The following OVOL3 variants were observed in gnomAD, a reference collection of about 807,000 sequenced individuals.
OVOL3 encodes the protein ovo like zinc finger 3.
A neutral mutation model predicts 13.6 loss-of-function variants in OVOL3; 15 were observed. The ratio of observed to expected loss-of-function variants is 1.11; its 90% CI spans 0.74 to 1.70. OVOL3 has a LOEUF of 1.70. Ranked by LOEUF, OVOL3 falls within the 40% of genes most tolerant of loss-of-function variation. OVOL3 has a pLI of 0.00. For synonymous variants in OVOL3, 102 were observed against 108.5 expected (o/e 0.94, Z 0.37); for missense variants, 290 against 280.6 (o/e 1.03, Z -0.24).
intron 3 of OVOL3, 113 bp downstream of exon 3, chr19:36,113,077 A>C: frequency 3.4e-6 from 4 of 1,180,378 alleles, no homozygotes; most frequent in Non-Finnish European, 4.7e-6. Context: ...TGGGGTATGG[A>C]GAATCAAGAC....
Position 36,113,615 on chromosome 19 carries a change from G to A in OVOL3, c.527G>A (p.Arg176Gln), listed in dbSNP as rs1973881250. 3 of 1,543,512 alleles carry A rather than the reference G, an allele frequency of 1.9e-6. No individual in the cohort carries two copies. The highest frequency in any genetic ancestry group is 2.4e-5 in the South Asian group (2 of 84,064). The change falls in exon 4 of 4, where the codon CGG becomes CAG. Residue 176 changes from arginine (R) to glutamine (Q), a missense_variant. Arg to Gln is a conservative substitution (Grantham distance 43). Transcript: ENST00000633214. ...VCEDCGFTSSRPDTYAQHRAL... is the reference protein window; with the variant it reads ...VCEDCGFTSSQPDTYAQHRAL... ...GAGGACTGCGGCTTCACCAGCTCCC[G>A]GCCCGACACCTACGCACAGCACCGC... is the stretch of plus-strand genomic sequence containing the variant.
chr19:36,111,150 G>C lies in OVOL3; in HGVS notation c.-53G>C. 7.0e-7 allele frequency: 1 copy of C among 1,423,910 alleles called. No homozygotes were observed. The highest frequency in any genetic ancestry group is 9.5e-7 in the Non-Finnish European group (1 of 1,057,902). The allele number at this position is 1,423,910 out of a possible 1,614,324, so 88.2% of individuals were successfully genotyped here. A position where few individuals can be genotyped will look rare whatever the true frequency, so the allele number is the denominator to read the frequency against. ...CCAGGGATAGTCATCCTGGGGCTGA[G>C]GTCTGACAGCAGGTGGAAGCAGCCC... On this transcript the variant is annotated 5_prime_UTR_variant, in exon 1 of 4. Transcript: ENST00000633214.
At position 36,113,708 on chromosome 19, in the gene OVOL3, C is replaced by T. The variant is rs541679670; in HGVS notation, c.*47C>T. On this transcript the variant is annotated 3_prime_UTR_variant, in exon 4 of 4. Coordinates refer to ENST00000633214, the MANE Select transcript of OVOL3 (RefSeq NM_001302757.2). ...CCACGAGGCAAATAAACACAGAAAA[C>T]TCACGCATGGAATCTGGTGTTTATT... 25 of 1,594,920 alleles carry T rather than the reference C, an allele frequency of 1.6e-5. No homozygotes were observed. In the East Asian group the frequency reaches 3.2e-4, roughly 20 times the overall value.
Position 36,113,535 on chromosome 19 carries a change from T to C in OVOL3, c.447T>C (p.His149=). ...CSLEAHLAKV[H]GQPASYAYRE... ...TGGAAGCTCACCTTGCTAAGGTGCA[T>C]GGACAGCCGGCCAGCTACGCTTACC... Residue 149 remains histidine, a synonymous_variant, in exon 4 of 4, where the codon CAT becomes CAC. Coordinates refer to ENST00000633214, the MANE Select transcript of OVOL3 (RefSeq NM_001302757.2). 1.3e-6 allele frequency: 2 copies of C among 1,536,292 alleles called. No individual in the cohort carries two copies. The highest frequency in any genetic ancestry group is 1.7e-6 in the Non-Finnish European group (2 of 1,146,900).
At position 36,113,438 on chromosome 19, in the gene OVOL3, C is replaced by G; in HGVS notation, c.365-15C>G. On this transcript the variant is annotated splice_polypyrimidine_tract_variant and intron_variant, in intron 3 of 3. Coordinates refer to ENST00000633214, the MANE Select transcript of OVOL3 (RefSeq NM_001302757.2). ...CCTCTCTGTCCAGCCCTCCCCTCTG[C>G]GCCCATCTGTGCAGGGATCCGGCCC... The G allele has an allele frequency of 6.5e-7, 1 of 1,528,796 alleles. No individual in the cohort carries two copies. Among genetic ancestry groups the G allele is most frequent in the East Asian group, 2.5e-5 (1 of 40,674 alleles). 94.7% of individuals were successfully genotyped at this position (1,528,796 alleles called of 1,614,324 possible).
chr19:36,112,262 G>A (rs1306609381), intron 2 of OVOL3, among the ~76,000 whole-genome samples: 1 of 152,132 alleles, frequency 6.6e-6, no homozygotes, highest in Non-Finnish European at 1.5e-5. Context: ...GCTCATGCCT[G>A]TAATCCCAGC....
chr19:36,111,800 G>A (rs549022319), intron 2 of OVOL3: 25 of 485,356 alleles, frequency 5.2e-5, no homozygotes, highest in Admixed American at 2.5e-4. Flanking sequence ...AGCGCCAGCC[G>A]GAATGTAATA....
At chr19:36,111,967 G>T (rs1973831361) in intron 2 of OVOL3, among the ~76,000 whole-genome samples, 1 of 151,938 alleles carries the variant, frequency 6.6e-6, no homozygotes, top group Admixed American at 6.6e-5. Flanking sequence ...TTGGGAGGCC[G>T]AGGCGGGTGA....
intron 3 of OVOL3, 59 bp downstream of exon 3, chr19:36,113,023 T>TG: frequency 6.8e-7 from 1 of 1,470,860 alleles, no homozygotes; most frequent in South Asian, 1.2e-5. Flanking sequence ...TGGAAGGAAA[T>TG]GGAGAGAGGT....
At chr19:36,113,304 T>C (rs1973869733) in intron 3 of OVOL3, 149 bp from the exon 4 acceptor site, 5 of 815,228 alleles carry the variant, frequency 6.1e-6, no homozygotes, top group Admixed American at 2.4e-5. Flanking sequence ...TGGGTGACGG[T>C]AGCAGATGGT....
chr19:36,112,069 C>A (rs1352167822), intron 2 of OVOL3, among the ~76,000 whole-genome samples: 2 of 151,882 alleles, frequency 1.3e-5, no homozygotes, highest in Admixed American at 1.3e-4. Flanking sequence ...GACATGGTGG[C>A]ACGTGCCTGT....
rs149152398 is a variant in OVOL3, at chr19:36,111,175, CCT to C, written c.-27_-26del. 4.8e-4 allele frequency: 731 copies of C among 1,512,078 alleles called. 1 individual carries two copies. Among genetic ancestry groups the C allele is most frequent in the African/African-American group, 1.9e-3 (139 of 72,624 alleles). The allele number at this position is 1,512,078 out of a possible 1,614,324, so 93.7% of individuals were successfully genotyped here. On this transcript the variant is annotated 5_prime_UTR_variant, in exon 1 of 4. Transcript: ENST00000633214. ...GGTCTGACAGCAGGTGGAAGCAGCC[CCT>C]GTGTGTGGAGAGCCTTCCGGAGGGC...
intron 2 of OVOL3, among the ~76,000 whole-genome samples, chr19:36,112,085 C>CGGA (rs1359684126): frequency 6.6e-6 from 1 of 151,974 alleles, no homozygotes; most frequent in Non-Finnish European, 1.5e-5. Flanking sequence ...CCTGTAATCC[C>CGGA]AGCTCCTCAG....
chr19:36,111,209 C>G lies in OVOL3; in HGVS notation c.7C>G (p.Arg3Gly). The change falls in exon 1 of 4, where the codon CGC (arginine) becomes GGC (glycine). Residue 3 changes from arginine (R) to glycine (G), a missense_variant. Physicochemically the swap from Arg to Gly is moderately radical, Grantham distance 125. Coordinates refer to ENST00000633214, the MANE Select transcript of OVOL3 (RefSeq NM_001302757.2). MPRAFLVRSRRPQ... is the reference protein window; with the variant it reads MPGAFLVRSRRPQ... Reference sequence around the variant, plus strand: ...GGAGAGCCTTCCGGAGGGCATGCCCCGCGCCTTCCTGGTCAGGAGTCGGCG... The same window carrying G: ...GGAGAGCCTTCCGGAGGGCATGCCCGGCGCCTTCCTGGTCAGGAGTCGGCG... The G allele has an allele frequency of 6.5e-7, 1 of 1,533,888 alleles. No individual in the cohort carries two copies. The highest frequency in any genetic ancestry group is 8.7e-7 in the Non-Finnish European group (1 of 1,146,056).
chr19:36,112,817 C>A lies in OVOL3; in HGVS notation c.217C>A (p.Pro73Thr). Residue 73 changes from proline to threonine, a missense_variant, in exon 3 of 4, where the codon CCG becomes ACG. Transcript: ENST00000633214. The part of the protein sequence containing the change: ...APRGPGTLGC[P>T]LCPKAFPLQR... The stretch of plus-strand genomic sequence containing the variant: ...CAGGGGCCCTGGGACGCTGGGCTGC[C>A]CGCTCTGCCCTAAGGCCTTCCCTCT... 6.5e-7 allele frequency: 1 copy of A among 1,535,538 alleles called. No individual in the cohort carries two copies. Among genetic ancestry groups the A allele is most frequent in the Non-Finnish European group, 8.7e-7 (1 of 1,146,826 alleles).
chr19:36,112,648 C>T, intron 2 of OVOL3, 112 bp from the exon 3 acceptor site: 1 of 958,190 alleles, frequency 1.0e-6, no homozygotes, highest in Non-Finnish European at 1.5e-6. Context: ...CTCCCACCTG[C>T]CTTCCTAATC....
At chr19:36,111,777 T>G in intron 2 of OVOL3, 1 of 511,238 alleles carries the variant, frequency 2.0e-6, no homozygotes, top group Non-Finnish European at 3.8e-6. Context: ...TGTGCATGCA[T>G]TGGAGGAAGG....
At chr19:36,112,739 A>AT in intron 2 of OVOL3, 21 bp from the exon 3 acceptor site, 1 of 1,525,010 alleles carries the variant, frequency 6.6e-7, no homozygotes, top group Non-Finnish European at 8.8e-7. Flanking sequence ...AGAGAGGCTA[A>AT]TAACTCCTGC....
At chr19:36,111,743 A>C (rs1013184541) in intron 2 of OVOL3, 5 of 557,178 alleles carry the variant, frequency 9.0e-6, no homozygotes, top group Admixed American at 6.6e-5. Flanking sequence ...CAGGAGTGCG[A>C]TGGGAGATAA....
Sources: gnomAD v4.1 joint callset for allele counts (sites outside exome capture counted in the v4.1 genomes callset) on GRCh38, gnomAD v4.1.1 for gene constraint, MANE v1.5 for transcripts, NCBI Gene and HGNC (gene_info 2026-07-23, HGNC 2026-07-21) for gene names.